Variants in PLEKHM3 observed in about 807,000 individuals in gnomAD.
PLEKHM3 encodes the protein pleckstrin homology domain containing M3, also known as pleckstrin homology domain-containing family M member 3.
A neutral mutation model predicts 81.8 loss-of-function variants in PLEKHM3; 45 were observed. The observed-to-expected ratio is 0.55, with a 90% confidence interval of 0.43 to 0.71. The LOEUF (loss-of-function observed/expected upper bound fraction) is 0.71. PLEKHM3 is among the 30% of genes least tolerant of loss of function. The probability of loss-of-function intolerance (pLI) is 0.00; values close to 1 mark genes in which losing one functional copy is unlikely to be tolerated. For missense variants in PLEKHM3, 788 were observed against 924.3 expected (o/e 0.85, Z 1.91); for synonymous variants, 352 against 356.4 (o/e 0.99, Z 0.14).
intron 5 of PLEKHM3, among the ~76,000 whole-genome samples, chr2:207,919,293 A>C (rs1689104122): frequency 6.6e-6 from 1 of 152,160 alleles, no homozygotes; most frequent in East Asian, 1.9e-4. Flanking sequence ...AATGAGGGGG[A>C]AAGTAGTGGG....
chr2:207,976,737 C>A lies in PLEKHM3; in HGVS notation c.1460G>T (p.Arg487Leu). The change falls in exon 3 of 8, where the codon CGC (arginine) becomes CTC (leucine). Residue 487 changes from arginine to leucine, a missense_variant. Physicochemically the swap from Arg to Leu is moderately radical, Grantham distance 102 (BLOSUM62 -2). Transcript: ENST00000427836. This position sits in a 1 kb window ranked among gnomAD's most constrained non-coding sequence, Gnocchi z 4.1. ...CAGGAAGCTGGTAGTCACAGATTGG[C>A]GTTTGTTCTTCCTGAGTTCATGCCC... ...MGGHELRKNK[R>L]QSVTTSFLSI... 2 of 1,614,182 alleles carry A rather than the reference C, an allele frequency of 1.2e-6. No homozygotes were observed. Among genetic ancestry groups the A allele is most frequent in the Non-Finnish European group, 1.7e-6 (2 of 1,180,042 alleles).
intron 2 of PLEKHM3, among the ~76,000 whole-genome samples, chr2:207,986,842 T>TG (rs1241757407): frequency 1.4e-5 from 2 of 146,808 alleles, no homozygotes; most frequent in Non-Finnish European, 3.0e-5. Flanking sequence ...CAGCTAATTT[T>TG]TTTTTTTTTT....
chr2:207,985,260 A>T (rs1176237812), intron 2 of PLEKHM3, among the ~76,000 whole-genome samples: 2 of 150,972 alleles, frequency 1.3e-5, no homozygotes, highest in Non-Finnish European at 2.9e-5. Context: ...AGTTCTCCTC[A>T]TACTTGAGGG....
rs1201371836 is a variant in PLEKHM3, at chr2:207,893,658, C to CAT, written c.1950+14854_1950+14855dup. On this transcript the variant is annotated intron_variant, in intron 6 of 7. Coordinates refer to ENST00000427836, the MANE Select transcript of PLEKHM3 (RefSeq NM_001080475.3). Reference sequence around the variant, plus strand: ...TTAGTCACAGTTATAAATACACACACATATATATGCATGACAGAGAGAGAG... The same window carrying CAT: ...TTAGTCACAGTTATAAATACACACACATATATATATGCATGACAGAGAGAGAG... Among the ~76,000 whole-genome samples the CAT allele has an allele frequency of 7.2e-4, 110 of 152,062 alleles. 1 individual carries two copies. The highest frequency in any genetic ancestry group is 1.5e-5 in the Non-Finnish European group (1 of 68,012).
chr2:207,892,269 C>A (rs148050976), intron 6 of PLEKHM3, among the ~76,000 whole-genome samples: 109 of 152,310 alleles, frequency 7.2e-4, no homozygotes, highest in African/African-American at 2.5e-3. Flanking sequence ...CGGTGCTCAT[C>A]ATCATTTTTG....
intron 7 of PLEKHM3, among the ~76,000 whole-genome samples, chr2:207,850,697 T>C (rs1023655296): frequency 6.6e-6 from 1 of 152,176 alleles, no homozygotes; most frequent in African/African-American, 2.4e-5. Flanking sequence ...TGTAAAAATG[T>C]CAGAAAGAAA....
chr2:207,895,609 T>C (rs1185642855), intron 6 of PLEKHM3, among the ~76,000 whole-genome samples: 2 of 152,158 alleles, frequency 1.3e-5, no homozygotes, highest in Admixed American at 1.3e-4. Context: ...TCTTAAATAG[T>C]TCCACCTCTT....
At chr2:207,886,784 C>A (rs1394649264) in intron 6 of PLEKHM3, among the ~76,000 whole-genome samples, 2 of 152,140 alleles carry the variant, frequency 1.3e-5, no homozygotes, top group Non-Finnish European at 2.9e-5. Context: ...TATGTAACTG[C>A]CTAAAATAAT....
At chr2:207,948,349 CTTTT>C (rs752976462) in intron 3 of PLEKHM3, among the ~76,000 whole-genome samples, 1 of 81,064 alleles carries the variant, frequency 1.2e-5, no homozygotes, top group African/African-American at 5.5e-5. Context: ...CTCCTCAGAT[CTTTT>C]TTTTTTTTTT....
At chr2:207,935,702 T>A (rs1689727580) in intron 4 of PLEKHM3, among the ~76,000 whole-genome samples, 1 of 152,230 alleles carries the variant, frequency 6.6e-6, no homozygotes, top group Admixed American at 6.5e-5. Context: ...ACAACTCAGA[T>A]CCCTGGAGAC....
intron 3 of PLEKHM3, among the ~76,000 whole-genome samples, chr2:207,947,443 T>C (rs968818539): frequency 2.0e-5 from 3 of 152,218 alleles, no homozygotes; most frequent in African/African-American, 7.2e-5. Flanking sequence ...TCGTTTTCTT[T>C]AGATAGGAAG....
intron 7 of PLEKHM3, among the ~76,000 whole-genome samples, chr2:207,859,786 C>T (rs768651081): frequency 2.0e-4 from 30 of 151,868 alleles, no homozygotes; most frequent in Admixed American, 5.9e-4. Flanking sequence ...TTAGTAGAGA[C>T]GGGGTTTCAC....
At chr2:208,005,544 C>T (rs764542405) in intron 1 of PLEKHM3, among the ~76,000 whole-genome samples, 16 of 152,186 alleles carry the variant, frequency 1.1e-4, no homozygotes, top group Non-Finnish European at 1.9e-4. Context: ...TGGAAGCCCA[C>T]GGAGGCAAAG....
At chr2:207,944,544 C>T (rs112969639) in intron 4 of PLEKHM3, among the ~76,000 whole-genome samples, 20 of 152,282 alleles carry the variant, frequency 1.3e-4, no homozygotes, top group African/African-American at 4.1e-4. Context: ...ATTTTCTCTA[C>T]GAAGTAGAAG....
In PLEKHM3 at chr2:207,865,797, AAAAAAGATAT is replaced by A. The variant is rs1389580602; in HGVS notation, c.1951-4545_1951-4536del. 6.8e-4 allele frequency among the ~76,000 whole-genome samples: 26 copies of A among 38,104 alleles called. 1 individual carries two copies. The highest frequency in any genetic ancestry group is 3.2e-3 in the African/African-American group (24 of 7,434). The allele number at this position is 38,104 out of a possible 152,430, so 25.0% of individuals were successfully genotyped here. On this transcript the variant is annotated intron_variant, in intron 6 of 7. Coordinates refer to ENST00000427836, the MANE Select transcript of PLEKHM3 (RefSeq NM_001080475.3). ...ACTCCGACTCAAAAAAAAAAAAAAA[AAAAAAGATAT>A]ATATATATATATATATATATATATA...
chr2:208,010,383 T>G (rs1692650426), intron 1 of PLEKHM3, among the ~76,000 whole-genome samples: 1 of 152,198 alleles, frequency 6.6e-6, no homozygotes, highest in Admixed American at 6.5e-5. Context: ...AGAGATCCAA[T>G]ATGTCTTGCT....
chr2:207,938,554 A>G (rs1199910016), intron 4 of PLEKHM3, among the ~76,000 whole-genome samples: 1 of 152,214 alleles, frequency 6.6e-6, no homozygotes, highest in Non-Finnish European at 1.5e-5. Flanking sequence ...TGATCCTCAC[A>G]ATTAGGAGAA....
intron 7 of PLEKHM3, among the ~76,000 whole-genome samples, chr2:207,846,600 G>A (rs565634086): frequency 2.6e-5 from 4 of 152,106 alleles, no homozygotes; most frequent in African/African-American, 9.6e-5. Context: ...GAGAGCACCT[G>A]TAGTCCCAGC....
At chr2:207,998,224 C>G (rs943799263) in intron 2 of PLEKHM3, among the ~76,000 whole-genome samples, 2 of 152,220 alleles carry the variant, frequency 1.3e-5, no homozygotes, top group Non-Finnish European at 2.9e-5. Context: ...GTGGCAGTGG[C>G]TGGGAGCAGT....
Sources: allele counts gnomAD v4.1 joint callset (sites outside exome capture counted in the v4.1 genomes callset), GRCh38; gene constraint gnomAD v4.1.1; non-coding constraint Gnocchi (gnomAD v3.1); transcripts MANE v1.5; gene names NCBI Gene and HGNC (gene_info 2026-07-23, HGNC 2026-07-21).